Variants in ABCC11 observed in about 807,000 individuals in gnomAD.
ABCC11 encodes ATP binding cassette subfamily C member 11.
In ABCC11, 135 loss-of-function variants were observed where a neutral mutation model predicts 149.3. The observed-to-expected ratio is 0.90, with a 90% CI of 0.79 to 1.04. The LOEUF (loss-of-function observed/expected upper bound fraction) is 1.04, where lower values mean the gene tolerates loss of function less well. ABCC11 is among the 50% of genes least tolerant of loss of function. The pLI is 0.00. For synonymous variants in ABCC11, 665 were observed against 671.4 expected, an observed-to-expected ratio of 0.99 and a Z score of 0.15; for missense variants, 1,680 against 1,722.1, an observed-to-expected ratio of 0.98 and a Z score of 0.43.
At chr16:48,202,894 C>A (rs1398935609) in intron 14 of ABCC11, among the ~76,000 whole-genome samples, 1 of 152,206 alleles carries the variant, frequency 6.6e-6, no homozygotes, top group East Asian at 1.9e-4. Flanking sequence ...CCCTGAGGGT[C>A]ATGGCTGATG....
intron 20 of ABCC11, among the ~76,000 whole-genome samples, chr16:48,189,665 T>C (rs149022092): frequency 2.4e-4 from 36 of 152,296 alleles, no homozygotes; most frequent in Admixed American, 7.8e-4. Flanking sequence ...TCTAGAATCT[T>C]GGAATGTGCC....
intron 1 of ABCC11, among the ~76,000 whole-genome samples, chr16:48,241,190 C>A (rs566619145): frequency 6.6e-6 from 1 of 152,334 alleles, no homozygotes; most frequent in African/African-American, 2.4e-5. Flanking sequence ...CCCATCTCGG[C>A]CTCCCAAAGT....
At chr16:48,225,043 C>CAAAA (rs113544609) in intron 4 of ABCC11, among the ~76,000 whole-genome samples, 15,355 of 142,306 alleles carry the variant, frequency 0.11, 820 homozygotes, top group African/African-American at 0.15. Context: ...AAAAACAAAC[C>CAAAA]AAAAAAAAAA....
intron 14 of ABCC11, among the ~76,000 whole-genome samples, chr16:48,202,193 A>G (rs546490869): frequency 6.6e-6 from 1 of 152,286 alleles, no homozygotes; most frequent in South Asian, 2.1e-4. Flanking sequence ...AAGCAATCCG[A>G]TCAGGTCAGT....
intron 15 of ABCC11, 106 bp from the exon 16 acceptor site, chr16:48,198,381 C>T (rs1343525858): frequency 4.7e-5 from 58 of 1,238,338 alleles, no homozygotes; most frequent in Non-Finnish European, 6.2e-5. Flanking sequence ...AATATTATTT[C>T]ATACCAACAG....
intron 6 of ABCC11, among the ~76,000 whole-genome samples, chr16:48,219,015 C>A (rs1201264233): frequency 6.6e-6 from 1 of 152,104 alleles, no homozygotes; most frequent in Non-Finnish European, 1.5e-5. Flanking sequence ...AAAAAATCCC[C>A]CAAAAGCTAT....
chr16:48,171,049 G>T (rs1004638174), intron 26 of ABCC11, 82 bp from the exon 27 acceptor site: 6 of 1,210,020 alleles, frequency 5.0e-6, no homozygotes, highest in Non-Finnish European at 7.3e-6. Context: ...GAATGACCAA[G>T]AATGTTTAGA....
chr16:48,244,476 C>A (rs760954132), intron 1 of ABCC11: 2 of 1,598,272 alleles, frequency 1.3e-6, no homozygotes, highest in African/African-American at 1.3e-5. Flanking sequence ...CTCCACCATG[C>A]GCACCAGCGT....
At chr16:48,233,819 T>C (rs1970550271) in intron 1 of ABCC11, among the ~76,000 whole-genome samples, 1 of 152,226 alleles carries the variant, frequency 6.6e-6, no homozygotes, top group Middle Eastern at 3.2e-3. Context: ...TGATTAAGTA[T>C]AGTTCCAATG....
In ABCC11 at chr16:48,177,074, T is replaced by G; in HGVS notation, c.3388A>C (p.Ser1130Arg). ...SEAPLHMEGT[S>R]CPQGWPQHGE... The stretch of plus-strand genomic sequence containing the variant: ...TGCTGTGGCCACCCCTGGGGACAAC[T>G]TGTGCCTTCCATGTGTAAAGGAGCT... The change falls in exon 25 of 30, where the codon AGT becomes CGT. Residue 1130 changes from serine (S) to arginine (R), a missense_variant. By Grantham distance (110) the Ser-to-Arg change is moderately radical. Transcript: ENST00000356608. 1 of 1,614,072 alleles carries G rather than the reference T, an allele frequency of 6.2e-7. No individual in the cohort carries two copies. The highest frequency in any genetic ancestry group is 8.5e-7 in the Non-Finnish European group (1 of 1,179,970).
chr16:48,167,748 C>T lies in ABCC11; in HGVS notation c.3892-88G>A. ...CTGGTTTACCACTAATTCACCAGGG[C>T]CCTTCCTCTCCAGGTCTCCATTTCT... On this transcript the variant is annotated intron_variant, in intron 28 of 29. Transcript: ENST00000356608. The T allele has an allele frequency of 2.8e-6, 4 of 1,427,924 alleles. No homozygotes were observed. The South Asian group carries it at 3.8e-5, about 14-fold the overall frequency. 88.5% of individuals were successfully genotyped at this position (1,427,924 alleles called of 1,614,324 possible). A position where few individuals can be genotyped will look rare whatever the true frequency, so the allele number is the denominator to read the frequency against.
chr16:48,178,552 C>G, intron 24 of ABCC11, 45 bp downstream of exon 24: 2 of 1,589,130 alleles, frequency 1.3e-6, no homozygotes, highest in Non-Finnish European at 1.7e-6. Flanking sequence ...AAGTCATGCC[C>G]CAACTTGCAT....
chr16:48,176,303 G>C (rs1415744825), intron 25 of ABCC11, among the ~76,000 whole-genome samples: 1 of 152,144 alleles, frequency 6.6e-6, no homozygotes, highest in African/African-American at 2.4e-5. Flanking sequence ...CAAGAACCAA[G>C]TCTTAACAGT....
intron 15 of ABCC11, among the ~76,000 whole-genome samples, chr16:48,199,569 G>A (rs1050040159): frequency 1.3e-5 from 2 of 151,948 alleles, no homozygotes; most frequent in Non-Finnish European, 1.5e-5. Context: ...GGTCATCATC[G>A]GTAAGAAAAC....
At chr16:48,208,349 C>A in intron 12 of ABCC11, 76 bp downstream of exon 12, 1 of 1,573,726 alleles carries the variant, frequency 6.4e-7, no homozygotes, top group Non-Finnish European at 8.7e-7. Flanking sequence ...AGTGGGGGGC[C>A]CCGCCTGGGG....
chr16:48,167,173 C>A lies in ABCC11; in HGVS notation c.*101G>T. 1.0e-5 allele frequency: 5 copies of A among 484,514 alleles called. No homozygotes were observed. Among genetic ancestry groups the A allele is most frequent in the East Asian group, 4.9e-5 (1 of 20,302 alleles). 30.0% of individuals were successfully genotyped at this position (484,514 alleles called of 1,614,324 possible). A position where few individuals can be genotyped will look rare whatever the true frequency, so the allele number is the denominator to read the frequency against. ...TTTACCCCTGCTTCCAGGAGAAGTT[C>A]TCATCTCCAAACAAGAAGGTCGCAG... On this transcript the variant is annotated 3_prime_UTR_variant, in exon 30 of 30. Coordinates refer to ENST00000356608, the MANE Select transcript of ABCC11 (RefSeq NM_001370497.1).
intron 1 of ABCC11, among the ~76,000 whole-genome samples, chr16:48,246,814 A>G (rs1336937002): frequency 2.6e-5 from 4 of 152,056 alleles, no homozygotes; most frequent in Non-Finnish European, 5.9e-5. Context: ...GACTCAAGCT[A>G]TCCCCTGCTT....
chr16:48,187,485 G>T, intron 20 of ABCC11, 58 bp from the exon 21 acceptor site: 1 of 1,422,798 alleles, frequency 7.0e-7, no homozygotes, highest in Non-Finnish European at 9.7e-7. Flanking sequence ...GCTCAAGATT[G>T]GATGAAGATG....
chr16:48,192,488 C>G lies in ABCC11; in HGVS notation c.2706+32G>C, dbSNP rs773443678. 5.6e-6 allele frequency: 9 copies of G among 1,610,542 alleles called. No homozygotes were observed. In the South Asian group the frequency reaches 9.9e-5, roughly 18 times the overall value. On this transcript the variant is annotated intron_variant, in intron 20 of 29. Transcript: ENST00000356608. ...GAAGCTGGGCAAGTTCAGAGCTCAG[C>G]CTTCGGCCCCACCCAGCACCCAGGC...
Sources: allele counts gnomAD v4.1 joint callset (sites outside exome capture counted in the v4.1 genomes callset), GRCh38; gene constraint gnomAD v4.1.1; transcripts MANE v1.5; gene names NCBI Gene and HGNC (gene_info 2026-07-23, HGNC 2026-07-21).